The following VMP1 variants were observed in gnomAD, a reference collection of about 807,000 sequenced individuals.
The protein encoded by VMP1 is ectopic P-granules autophagy protein 3 homolog.
In VMP1, 11 loss-of-function variants were observed where a neutral mutation model predicts 56.0. The ratio of observed to expected loss-of-function variants is 0.20; its 90% CI spans 0.12 to 0.32. VMP1 has a LOEUF of 0.32. Among genes scored for constraint, VMP1 ranks in the 10% least tolerant of loss-of-function variants. VMP1 has a pLI of 1.00. For synonymous variants in VMP1, 149 were observed against 165.0 expected, an observed-to-expected ratio of 0.90 and a Z score of 0.74; for missense variants, 296 against 490.3, an observed-to-expected ratio of 0.60 and a Z score of 3.74.
chr17:59,764,942 A>C (rs376756206), intron 5 of VMP1, 29 bp from the exon 6 acceptor site: 3 of 1,480,506 alleles, frequency 2.0e-6, no homozygotes, highest in African/African-American at 2.8e-5. Context: ...AATAGTTCTT[A>C]TCAGAAGTTT....
chr17:59,812,647 G>C (rs1446120794), intron 9 of VMP1, among the ~76,000 whole-genome samples: 1 of 152,098 alleles, frequency 6.6e-6, no homozygotes, highest in Non-Finnish European at 1.5e-5. Context: ...AGAAAGGAAA[G>C]AACAACCAAG....
intron 10 of VMP1, among the ~76,000 whole-genome samples, chr17:59,818,695 G>A (rs1302798737): frequency 2.0e-5 from 3 of 151,838 alleles, no homozygotes; most frequent in Non-Finnish European, 4.4e-5. Context: ...CTGAGAGCGC[G>A]TCATTGCACT....
intron 4 of VMP1, among the ~76,000 whole-genome samples, chr17:59,738,056 C>G (rs1447509532): frequency 2.6e-5 from 4 of 152,006 alleles, no homozygotes; most frequent in African/African-American, 9.7e-5. Flanking sequence ...ACAGGCCACT[C>G]TGCCTGTAAT....
At chr17:59,811,605 A>G (rs996856938) in intron 8 of VMP1, 65 bp from the exon 9 acceptor site, 8 of 1,209,876 alleles carry the variant, frequency 6.6e-6, no homozygotes, top group Admixed American at 1.8e-5. Context: ...CCACATATCA[A>G]TGGGTGATAA....
At chr17:59,809,917 CAGTA>C (rs1279125853) in intron 8 of VMP1, among the ~76,000 whole-genome samples, 2 of 152,014 alleles carry the variant, frequency 1.3e-5, no homozygotes, top group Non-Finnish European at 2.9e-5. Flanking sequence ...TGGCTTAAAT[CAGTA>C]AGAATAAAAG....
At chr17:59,778,989 C>T (rs773740766) in intron 7 of VMP1, among the ~76,000 whole-genome samples, 5 of 152,214 alleles carry the variant, frequency 3.3e-5, no homozygotes, top group Admixed American at 1.3e-4. Context: ...CTGCAGTGTA[C>T]TGTAATTTTG....
chr17:59,708,102 T>C (rs575069718), intron 1 of VMP1: 1 of 152,428 alleles, frequency 6.6e-6, no homozygotes, highest in South Asian at 2.1e-4. Context: ...TCTTCCCTGC[T>C]GATGACTGAG....
intron 7 of VMP1, among the ~76,000 whole-genome samples, chr17:59,799,659 G>A (rs1295764898): frequency 6.6e-6 from 1 of 152,102 alleles, no homozygotes; most frequent in Non-Finnish European, 1.5e-5. Context: ...AATAATGTGT[G>A]ACTTAAAAAT....
At chr17:59,819,340 G>A (rs1054644391) in intron 10 of VMP1, among the ~76,000 whole-genome samples, 6 of 151,930 alleles carry the variant, frequency 3.9e-5, no homozygotes, top group African/African-American at 9.7e-5. Context: ...ACGGGGTCTC[G>A]CTTTGCTGCC....
chr17:59,765,712 A>G (rs1009927387), intron 6 of VMP1, among the ~76,000 whole-genome samples: 6 of 152,028 alleles, frequency 3.9e-5, no homozygotes, highest in African/African-American at 1.4e-4. Flanking sequence ...GGAGGGAAAG[A>G]AGGGGTTGGT....
intron 10 of VMP1, chr17:59,837,585 C>T (rs757155965): frequency 5.9e-5 from 9 of 152,190 alleles, no homozygotes; most frequent in Non-Finnish European, 8.8e-5. Context: ...TACTAATGTA[C>T]TGGAGTTTCT....
intron 1 of VMP1, among the ~76,000 whole-genome samples, chr17:59,717,002 C>T (rs1359024088): frequency 6.6e-6 from 1 of 151,188 alleles, no homozygotes; most frequent in Non-Finnish European, 1.5e-5. Flanking sequence ...TTTTTTGAGA[C>T]GGGGTCTCGC....
intron 1 of VMP1, among the ~76,000 whole-genome samples, chr17:59,720,535 T>C (rs2143742225): frequency 6.6e-6 from 1 of 152,320 alleles, no homozygotes; most frequent in Non-Finnish European, 1.5e-5. Context: ...AGGGCAGCAT[T>C]TACCATGATT....
intron 10 of VMP1, among the ~76,000 whole-genome samples, chr17:59,831,194 CAGGGTCTTGCTCTTTCACCA>C (rs1221787194): frequency 6.6e-6 from 1 of 152,176 alleles, no homozygotes; most frequent in Non-Finnish European, 1.5e-5. Context: ...GAGAGAGAGA[CAGGGTCTTGCTCTTTCACCA>C]AGGGTGGAGT....
At chr17:59,756,594 G>A (rs555008886) in intron 5 of VMP1, among the ~76,000 whole-genome samples, 6 of 152,280 alleles carry the variant, frequency 3.9e-5, no homozygotes, top group Admixed American at 3.3e-4. Context: ...CAGTCTTTAG[G>A]AATGTTTTAT....
intron 5 of VMP1, among the ~76,000 whole-genome samples, chr17:59,763,909 A>G (rs1215643180): frequency 6.6e-6 from 1 of 152,206 alleles, no homozygotes; most frequent in Non-Finnish European, 1.5e-5. Context: ...ATTTATCTTC[A>G]TAATAGCTGA....
chr17:59,778,091 A>G (rs371077923), intron 7 of VMP1, among the ~76,000 whole-genome samples: 1 of 152,294 alleles, frequency 6.6e-6, no homozygotes, highest in African/African-American at 2.4e-5. Flanking sequence ...TTTATCTTCT[A>G]AGTCTTATAT....
In VMP1 at chr17:59,841,182, T is replaced by G. The variant is rs1054548887; in HGVS notation, c.*1271T>G. The stretch of plus-strand genomic sequence containing the variant: ...AATGCCTGGGTTTTTTTGGTTTGTT[T>G]TTGTTTTTGTTTTTTTATCAAATCC... On this transcript the variant is annotated 3_prime_UTR_variant, in exon 12 of 12. Coordinates refer to ENST00000262291, the MANE Select transcript of VMP1 (RefSeq NM_030938.5). 2 of 408,958 alleles carry G rather than the reference T, an allele frequency of 4.9e-6. No homozygotes were observed. The highest frequency in any genetic ancestry group is 1.1e-5 in the Non-Finnish European group (2 of 183,716). 25.3% of individuals were successfully genotyped at this position (408,958 alleles called of 1,614,324 possible).
intron 6 of VMP1, among the ~76,000 whole-genome samples, chr17:59,767,254 C>G (rs1390012379): frequency 1.3e-5 from 2 of 151,842 alleles, no homozygotes; most frequent in Non-Finnish European, 2.9e-5. Flanking sequence ...AGCATGAATA[C>G]CATACCCTCA....
Sources: gnomAD v4.1 joint callset for allele counts (sites outside exome capture counted in the v4.1 genomes callset) on GRCh38, gnomAD v4.1.1 for gene constraint, MANE v1.5 for transcripts, NCBI Gene and HGNC (gene_info 2026-07-23, HGNC 2026-07-21) for gene names.